PDGFC: variants seen among roughly 807,000 people sequenced by gnomAD.
The protein encoded by PDGFC is platelet derived growth factor C.
A neutral mutation model predicts 35.5 loss-of-function variants in PDGFC; 12 were observed. The ratio of observed to expected loss-of-function variants is 0.34; its 90% CI spans 0.22 to 0.55. The LOEUF (loss-of-function observed/expected upper bound fraction) is 0.55, where lower values mean the gene tolerates loss of function less well. PDGFC is among the 20% of genes least tolerant of loss of function. PDGFC has a pLI of 0.91. For synonymous variants in PDGFC, 159 were observed against 148.8 expected (o/e 1.07, Z -0.50); for missense variants, 322 against 412.4 (o/e 0.78, Z 1.90).
chr4:156,851,337 G>A (rs1729446742), intron 1 of PDGFC, among the ~76,000 whole-genome samples: 1 of 152,086 alleles, frequency 6.6e-6, no homozygotes, highest in Non-Finnish European at 1.5e-5. Flanking sequence ...ACACAAATAT[G>A]AATTCTAAAT....
intron 1 of PDGFC, chr4:156,886,968 C>T (rs1187768050): frequency 1.3e-5 from 2 of 152,116 alleles, no homozygotes; most frequent in African/African-American, 4.8e-5. Flanking sequence ...TGTGTCTTTT[C>T]TTACCTGTGG....
At chr4:156,774,673 A>G in intron 3 of PDGFC, among the ~76,000 whole-genome samples, 1 of 126,244 alleles carries the variant, frequency 7.9e-6, no homozygotes, top group South Asian at 2.7e-4. Context: ...TTTTTTTTTA[A>G]CAAAAGTTTA....
intron 2 of PDGFC, among the ~76,000 whole-genome samples, chr4:156,829,004 T>C (rs1728862184): frequency 6.6e-6 from 1 of 152,168 alleles, no homozygotes; most frequent in Admixed American, 6.5e-5. Context: ...TTTAGTGAAG[T>C]ACAGACATTA....
At chr4:156,855,205 C>T (rs916131820) in intron 1 of PDGFC, among the ~76,000 whole-genome samples, 2 of 151,724 alleles carry the variant, frequency 1.3e-5, no homozygotes, top group Non-Finnish European at 2.9e-5. Context: ...ACTCTTGGTT[C>T]CTTTAAAAAA....
chr4:156,857,975 GAATA>G (rs1218369090), intron 1 of PDGFC, among the ~76,000 whole-genome samples: 17 of 151,962 alleles, frequency 1.1e-4, no homozygotes, highest in African/African-American at 3.9e-4. Flanking sequence ...TCAGTGTTGT[GAATA>G]AATAAACAAC....
intron 1 of PDGFC, among the ~76,000 whole-genome samples, chr4:156,947,394 G>T (rs1256053896): frequency 6.6e-6 from 1 of 151,980 alleles, no homozygotes; most frequent in Admixed American, 6.6e-5. Context: ...CCTAGCTAAT[G>T]CACTTTCAGG....
intron 1 of PDGFC, among the ~76,000 whole-genome samples, chr4:156,906,112 C>A (rs1274463906): frequency 6.6e-6 from 1 of 152,116 alleles, no homozygotes; most frequent in Non-Finnish European, 1.5e-5. Flanking sequence ...TACATACTAG[C>A]ACTTCTGAAG....
At chr4:156,807,198 TATC>T (rs1284966435) in intron 3 of PDGFC, among the ~76,000 whole-genome samples, 15 of 152,120 alleles carry the variant, frequency 9.9e-5, no homozygotes, top group Admixed American at 9.2e-4. Context: ...TTCTCTAAAA[TATC>T]ATTGAAATGC....
chr4:156,879,883 C>G (rs1730201864), intron 1 of PDGFC, among the ~76,000 whole-genome samples: 1 of 152,106 alleles, frequency 6.6e-6, no homozygotes, highest in Non-Finnish European at 1.5e-5. Flanking sequence ...GTTCTCTGAA[C>G]AGAAAATCAG....
In PDGFC at chr4:156,782,720, C is replaced by T. The variant is rs374429602; in HGVS notation, c.496-9827G>A. ...GGCAGGTCAAAACGATCACCAGGGG[C>T]AACAGAGAACATAGAATATTTTTGT... On this transcript the variant is annotated intron_variant, in intron 3 of 5. Coordinates refer to ENST00000502773, the MANE Select transcript of PDGFC (RefSeq NM_016205.3). Among the ~76,000 whole-genome samples, 83 of 152,214 alleles carry T rather than the reference C, an allele frequency of 5.5e-4. 2 individuals carry two copies. The South Asian group carries it at 0.017, about 30-fold the overall frequency.
At chr4:156,839,318 T>C (rs895917739) in intron 2 of PDGFC, among the ~76,000 whole-genome samples, 1 of 152,212 alleles carries the variant, frequency 6.6e-6, no homozygotes, top group African/African-American at 2.4e-5. Flanking sequence ...GTTCTTGTGA[T>C]AGTGAGTTCT....
At chr4:156,849,667 C>T (rs1215993037) in intron 2 of PDGFC, among the ~76,000 whole-genome samples, 1 of 152,048 alleles carries the variant, frequency 6.6e-6, no homozygotes. Flanking sequence ...CGAATTCCTA[C>T]CTGGCAAGGC....
chr4:156,883,898 T>C (rs79951870), intron 1 of PDGFC, among the ~76,000 whole-genome samples: 2,370 of 152,292 alleles, frequency 0.016, 61 homozygotes, highest in African/African-American at 0.053. Flanking sequence ...GTTAAGACTA[T>C]CTCTCCTGAA....
intron 2 of PDGFC, among the ~76,000 whole-genome samples, chr4:156,815,323 T>TAC (rs3042796): frequency 0.061 from 8,797 of 144,978 alleles, 264 homozygotes; most frequent in South Asian, 0.094. Flanking sequence ...AATAATTTTT[T>TAC]ACACACACAC....
chr4:156,858,495 T>C (rs1471158374), intron 1 of PDGFC, among the ~76,000 whole-genome samples: 2 of 152,050 alleles, frequency 1.3e-5, no homozygotes, highest in Non-Finnish European at 2.9e-5. Flanking sequence ...GTGAAACATG[T>C]TTGGCAATAC....
intron 2 of PDGFC, among the ~76,000 whole-genome samples, chr4:156,826,644 T>C (rs533498781): frequency 1.3e-5 from 2 of 152,232 alleles, no homozygotes; most frequent in Non-Finnish European, 2.9e-5. Context: ...TCTGTATTAT[T>C]GCTACATTTG....
At chr4:156,838,979 G>A (rs1729133141) in intron 2 of PDGFC, among the ~76,000 whole-genome samples, 1 of 152,214 alleles carries the variant, frequency 6.6e-6, no homozygotes, top group South Asian at 2.1e-4. Context: ...CCTGAGCTCT[G>A]GAAGCCCATG....
chr4:156,808,010 G>A (rs928830611), intron 3 of PDGFC, among the ~76,000 whole-genome samples: 5 of 151,956 alleles, frequency 3.3e-5, no homozygotes, highest in East Asian at 1.9e-4. Context: ...AAGAAAACCA[G>A]GGCAATTATT....
intron 1 of PDGFC, among the ~76,000 whole-genome samples, chr4:156,947,522 A>C (rs1291306326): frequency 6.6e-6 from 1 of 152,096 alleles, no homozygotes; most frequent in African/African-American, 2.4e-5. Flanking sequence ...AATTCAGGAA[A>C]TAAAACTGTG....
Sources: allele counts gnomAD v4.1 joint callset (sites outside exome capture counted in the v4.1 genomes callset), GRCh38; gene constraint gnomAD v4.1.1; transcripts MANE v1.5; gene names NCBI Gene and HGNC (gene_info 2026-07-23, HGNC 2026-07-21).